The following NOS1 variants were observed in gnomAD, a reference collection of about 807,000 sequenced individuals.
NOS1 encodes nitric oxide synthase 1, also known as NOS type I.
Under a neutral mutation model 164.5 loss-of-function variants are expected in NOS1, and 51 were observed. The observed-to-expected ratio is 0.31, with a 90% CI of 0.25 to 0.39. The LOEUF (loss-of-function observed/expected upper bound fraction) is 0.39, where lower values mean the gene tolerates loss of function less well. Ranked by LOEUF, NOS1 falls within the 10% of genes least tolerant of loss-of-function variation. The pLI, the probability that NOS1 is intolerant of heterozygous loss-of-function variation, is 1.00. For synonymous variants in NOS1, 719 were observed against 745.8 expected, an observed-to-expected ratio of 0.96 and a Z score of 0.59; for missense variants, 1,362 against 1,885.6, an observed-to-expected ratio of 0.72 and a Z score of 5.14.
chr12:117,291,590 G>C (rs1020842667), intron 3 of NOS1, among the ~76,000 whole-genome samples: 1 of 146,094 alleles, frequency 6.8e-6, no homozygotes, highest in Non-Finnish European at 1.5e-5. Flanking sequence ...CTGGAGTGCA[G>C]TGGTCCAATC....
intron 1 of NOS1, among the ~76,000 whole-genome samples, chr12:117,334,831 G>T (rs1566081204): frequency 2.6e-5 from 4 of 152,184 alleles, no homozygotes; most frequent in African/African-American, 9.7e-5. Flanking sequence ...CTTTACAGAT[G>T]AATAAATTAA....
chr12:117,339,308 G>A (rs534369315), intron 1 of NOS1, among the ~76,000 whole-genome samples: 2 of 152,112 alleles, frequency 1.3e-5, no homozygotes, highest in Non-Finnish European at 2.9e-5. Flanking sequence ...CACCTCTGAT[G>A]CCCATATCTC....
chr12:117,360,501 T>C (rs551639945), intron 1 of NOS1, among the ~76,000 whole-genome samples: 4 of 152,294 alleles, frequency 2.6e-5, no homozygotes, highest in Admixed American at 2.6e-4. Flanking sequence ...AGCACAACTT[T>C]CCCAGGTTTT....
chr12:117,265,595 C>A, intron 11 of NOS1, 85 bp from the exon 12 acceptor site: 1 of 1,045,790 alleles, frequency 9.6e-7, no homozygotes, highest in Non-Finnish European at 1.3e-6. Context: ...CAGCATTTCC[C>A]AAAGGGTGGT....
intron 13 of NOS1, 73 bp downstream of exon 13, chr12:117,263,816 G>T: frequency 8.6e-7 from 1 of 1,169,526 alleles, no homozygotes; most frequent in Non-Finnish European, 1.3e-6. Context: ...ACAGGAGTCT[G>T]CCCAGCCTCC....
chr12:117,256,823 G>A lies in NOS1; in HGVS notation c.2531+1574C>T, dbSNP rs1481176354. On this transcript the variant is annotated intron_variant, in intron 16 of 28. Transcript: ENST00000317775. ...GCGGTGGCTCAGGCCTGTAATCCCA[G>A]CACTTTGGGAGGCTGAGGCAGGCAG... Among the ~76,000 whole-genome samples the A allele has an allele frequency of 2.0e-5, 3 of 151,960 alleles. No homozygotes were observed. The East Asian group carries it at 6.0e-4, about 30-fold the overall frequency.
chr12:117,335,805 A>G (rs1340493626), intron 1 of NOS1, among the ~76,000 whole-genome samples: 3 of 141,984 alleles, frequency 2.1e-5, no homozygotes, highest in Non-Finnish European at 3.0e-5. Flanking sequence ...GCTGGTCTCA[A>G]ACTCTGTGCC....
At chr12:117,300,549 G>A (rs968843583) in intron 3 of NOS1, among the ~76,000 whole-genome samples, 3 of 152,132 alleles carry the variant, frequency 2.0e-5, no homozygotes, top group African/African-American at 7.2e-5. Flanking sequence ...GATGGCTCAG[G>A]TGGAAGGAAG....
In NOS1 at chr12:117,268,061, C is replaced by G. The variant is rs754746053; in HGVS notation, c.1923G>C (p.Ala641=). 3 of 1,613,354 alleles carry G rather than the reference C, an allele frequency of 1.9e-6. No individual in the cohort carries two copies. In the South Asian group the frequency reaches 3.3e-5, roughly 18 times the overall value. ...GTGTTACCTGGAAGCTATAGAGAACCGCGATATTGATCTCCACCAGCGCCT... is the reference window on the plus strand; with the variant it reads ...GTGTTACCTGGAAGCTATAGAGAACGGCGATATTGATCTCCACCAGCGCCT... ...KDQALVEINI[A]VLYSFQSDKV... The change falls in exon 11 of 29, where the codon GCG becomes GCC. Residue 641 remains alanine, a synonymous_variant. Coordinates refer to ENST00000317775, the MANE Select transcript of NOS1 (RefSeq NM_000620.5).
chr12:117,223,653 T>C (rs1868394378), intron 25 of NOS1, among the ~76,000 whole-genome samples: 2 of 152,040 alleles, frequency 1.3e-5, no homozygotes, highest in Admixed American at 1.3e-4. Context: ...CTTGGCTCAC[T>C]GCAACCTGCA....
At chr12:117,247,913 T>C (rs1379201172) in intron 17 of NOS1, among the ~76,000 whole-genome samples, 1 of 143,236 alleles carries the variant, frequency 7.0e-6, no homozygotes, top group Non-Finnish European at 1.5e-5. Flanking sequence ...GCCACTGCAC[T>C]CCAGCCTGGG....
rs958376896 is a variant in NOS1 at position 117,214,872 on chromosome 12, C to A, written c.*437G>T. The stretch of plus-strand genomic sequence containing the variant: ...ACACACACACACACACACACAGGCA[C>A]GCACAACCAAAATGTCATCATAAAA... On this transcript the variant is annotated 3_prime_UTR_variant, in exon 29 of 29. Coordinates refer to ENST00000317775, the MANE Select transcript of NOS1 (RefSeq NM_000620.5). 66 of 989,958 alleles carry A rather than the reference C, an allele frequency of 6.7e-5. No individual in the cohort carries two copies. The highest frequency in any genetic ancestry group is 7.8e-5 in the Non-Finnish European group (65 of 833,994). 61.3% of individuals were successfully genotyped at this position (989,958 alleles called of 1,614,324 possible).
chr12:117,330,322 A>T lies in NOS1; in HGVS notation c.725+23T>A. The T allele has an allele frequency of 6.3e-7, 1 of 1,594,724 alleles. No individual in the cohort carries two copies. Among genetic ancestry groups the T allele is most frequent in the Non-Finnish European group, 8.6e-7 (1 of 1,169,340 alleles). On this transcript the variant is annotated intron_variant, in intron 2 of 28. Coordinates refer to ENST00000317775, the MANE Select transcript of NOS1 (RefSeq NM_000620.5). The surrounding 1 kb of genome is among the most constrained non-coding windows in gnomAD (Gnocchi z 4.6). ...CATGCACACACACACACACACACAC[A>T]CACACACCCCTGTGGAGCTTACCTG...
chr12:117,212,761 C>G lies in NOS1; in HGVS notation c.*2548G>C. 1.0e-6 allele frequency: 1 copy of G among 985,424 alleles called. No individual in the cohort carries two copies. The highest frequency in any genetic ancestry group is 1.2e-6 in the Non-Finnish European group (1 of 829,944). The allele number at this position is 985,424 out of a possible 1,614,324, so 61.0% of individuals were successfully genotyped here. A position where few individuals can be genotyped will look rare whatever the true frequency, so the allele number is the denominator to read the frequency against. On this transcript the variant is annotated 3_prime_UTR_variant, in exon 29 of 29. Transcript: ENST00000317775. ...TGGCTACGAGGCCTGGATGAAAAGC[C>G]ACCACGAGAGGGCAGTATTTCCCCA...
At chr12:117,347,652 G>C (rs981358164) in intron 1 of NOS1, among the ~76,000 whole-genome samples, 4 of 152,184 alleles carry the variant, frequency 2.6e-5, no homozygotes, top group Non-Finnish European at 4.4e-5. Flanking sequence ...TCAGTGACTT[G>C]GGTCTTGTCC....
intron 10 of NOS1, among the ~76,000 whole-genome samples, chr12:117,268,439 C>A (rs1002996546): frequency 2.2e-4 from 33 of 151,982 alleles, no homozygotes; most frequent in Admixed American, 2.0e-4. Flanking sequence ...ACCATGTTGG[C>A]CAGACTGGTC....
intron 10 of NOS1, among the ~76,000 whole-genome samples, chr12:117,268,589 A>ATTT (rs35656036): frequency 0.033 from 4,106 of 123,160 alleles, 267 homozygotes; most frequent in African/African-American, 0.1. Context: ...CACTCATTCA[A>ATTT]TTTTTTTTTT....
intron 16 of NOS1, among the ~76,000 whole-genome samples, chr12:117,256,398 C>T (rs1566042631): frequency 1.3e-5 from 2 of 150,750 alleles, no homozygotes; most frequent in Non-Finnish European, 1.5e-5. Flanking sequence ...CCTGCCTCAG[C>T]CTCCTGAGTA....
intron 24 of NOS1, among the ~76,000 whole-genome samples, chr12:117,226,445 C>T (rs1039073440): frequency 6.6e-6 from 1 of 152,132 alleles, no homozygotes; most frequent in Non-Finnish European, 1.5e-5. Flanking sequence ...TAGCCCAGTA[C>T]ACGCCCAAAT....
Sources: gnomAD v4.1 joint callset for allele counts (sites outside exome capture counted in the v4.1 genomes callset) on GRCh38, gnomAD v4.1.1 for gene constraint, Gnocchi (gnomAD v3.1) non-coding constraint, MANE v1.5 for transcripts, NCBI Gene and HGNC (gene_info 2026-07-23, HGNC 2026-07-21) for gene names.